LRTM1: variants seen among roughly 807,000 people sequenced by gnomAD.
LRTM1 encodes the protein leucine-rich repeat and transmembrane domain-containing protein 1.
In LRTM1, 38 loss-of-function variants were observed where a neutral mutation model predicts 32.4. That is an observed-to-expected ratio of 1.17 (90% CI 0.91 to 1.54). LRTM1 has a LOEUF of 1.54. Ranked by LOEUF, LRTM1 falls within the 40% of genes most tolerant of loss-of-function variation. The pLI is 0.00. For synonymous variants in LRTM1, 186 were observed against 169.9 expected (o/e 1.09, Z -0.74); for missense variants, 466 against 415.4 (o/e 1.12, Z -1.06).
intron 2 of LRTM1, among the ~76,000 whole-genome samples, chr3:54,922,426 A>C (rs1700879802): frequency 6.6e-6 from 1 of 151,790 alleles, no homozygotes; most frequent in African/African-American, 2.4e-5. Flanking sequence ...AGTTCAAGCC[A>C]CTTTACCTGT....
chr3:54,955,670 A>G (rs1701869603), intron 1 of LRTM1, among the ~76,000 whole-genome samples: 1 of 152,148 alleles, frequency 6.6e-6, no homozygotes, highest in African/African-American at 2.4e-5. Flanking sequence ...AGAAATGTGT[A>G]AATTGAGGGA....
At chr3:54,963,015 A>G (rs149340364) in intron 1 of LRTM1, among the ~76,000 whole-genome samples, 13 of 152,322 alleles carry the variant, frequency 8.5e-5, no homozygotes, top group African/African-American at 2.2e-4. Flanking sequence ...ATGCATGTCT[A>G]TTAACATGAT....
At chr3:54,942,929 C>G (rs1701512177) in intron 1 of LRTM1, among the ~76,000 whole-genome samples, 1 of 152,170 alleles carries the variant, frequency 6.6e-6, no homozygotes, top group African/African-American at 2.4e-5. Context: ...GAGGCTGAGG[C>G]AGGAGAATTG....
chr3:54,918,632 C>G lies in LRTM1; in HGVS notation c.865G>C (p.Val289Leu). Residue 289 changes from valine (V) to leucine (L), a missense_variant, in exon 3 of 3, where the codon GTC (valine) becomes CTC (leucine). Coordinates refer to ENST00000273286, the MANE Select transcript of LRTM1 (RefSeq NM_020678.4). ...PANLRHAIAT[V>L]IITGVVCGIV... ...CCACACACAACGCCAGTGATGATGACAGTGGCAATGGCATGACGCAGGTTG... is the reference window on the plus strand; with the variant it reads ...CCACACACAACGCCAGTGATGATGAGAGTGGCAATGGCATGACGCAGGTTG... The G allele has an allele frequency of 6.2e-7, 1 of 1,614,190 alleles. No individual in the cohort carries two copies. The highest frequency in any genetic ancestry group is 8.5e-7 in the Non-Finnish European group (1 of 1,180,036).
intron 1 of LRTM1, among the ~76,000 whole-genome samples, chr3:54,940,636 C>T (rs1226989479): frequency 5.3e-5 from 8 of 152,082 alleles, no homozygotes; most frequent in African/African-American, 1.9e-4. Context: ...GTGAACATCA[C>T]TAGTTTTCTG....
chr3:54,923,097 A>G (rs1700900289), intron 2 of LRTM1, among the ~76,000 whole-genome samples: 1 of 152,090 alleles, frequency 6.6e-6, no homozygotes, highest in African/African-American at 2.4e-5. Context: ...GCCTTTCGTC[A>G]GTTCTCCCAA....
upstream of LRTM1, among the ~76,000 whole-genome samples, chr3:54,929,005 C>T (rs556991337): frequency 7.9e-5 from 12 of 152,240 alleles, no homozygotes; most frequent in African/African-American, 2.9e-4. Flanking sequence ...CTAGATAAAA[C>T]AAAATGTTCT....
intron 1 of LRTM1, among the ~76,000 whole-genome samples, chr3:54,946,974 C>T (rs1295941012): frequency 1.3e-5 from 2 of 152,156 alleles, no homozygotes; most frequent in African/African-American, 4.8e-5. Flanking sequence ...GACCATAGTG[C>T]ATTTAAGATG....
intron 1 of LRTM1, among the ~76,000 whole-genome samples, chr3:54,958,902 G>A (rs1213459310): frequency 1.3e-5 from 2 of 152,016 alleles, no homozygotes; most frequent in African/African-American, 2.4e-5. Flanking sequence ...CCAGGAGTTT[G>A]AGACCAGCCT....
chr3:54,964,119 A>G (rs1259162596), intron 1 of LRTM1, among the ~76,000 whole-genome samples: 1 of 152,058 alleles, frequency 6.6e-6, no homozygotes, highest in Non-Finnish European at 1.5e-5. Context: ...AGACCATCCC[A>G]GTATCTTGGG....
chr3:54,952,241 C>T (rs1243519573), intron 1 of LRTM1, among the ~76,000 whole-genome samples: 1 of 152,192 alleles, frequency 6.6e-6, no homozygotes, highest in Non-Finnish European at 1.5e-5. Context: ...AGGATGTTGG[C>T]CTTGCACTCT....
At chr3:54,964,591 G>A (rs1019157808) in intron 1 of LRTM1, among the ~76,000 whole-genome samples, 7 of 152,248 alleles carry the variant, frequency 4.6e-5, no homozygotes, top group Non-Finnish European at 7.4e-5. Flanking sequence ...AGGTTATGTG[G>A]GGGCTGAAGG....
At chr3:54,947,639 C>A (rs9811421) in intron 1 of LRTM1, among the ~76,000 whole-genome samples, 16,143 of 152,094 alleles carry the variant, frequency 0.11, 986 homozygotes, top group Non-Finnish European at 0.12. Context: ...GACTTAGTAG[C>A]AGGCAAAGGA....
At chr3:54,923,804 C>G (rs958198052) in intron 2 of LRTM1, among the ~76,000 whole-genome samples, 1 of 152,208 alleles carries the variant, frequency 6.6e-6, no homozygotes, top group African/African-American at 2.4e-5. Flanking sequence ...CACTGAACCT[C>G]TCTGGGACTC....
rs181613360 is a variant in LRTM1 at position 54,922,672 on chromosome 3, G to A, written c.604+1947C>T. On this transcript the variant is annotated intron_variant, in intron 2 of 2. Coordinates refer to ENST00000273286, the MANE Select transcript of LRTM1 (RefSeq NM_020678.4). ...GACACTGTTGACTTCCCTAATTCAT[G>A]TCTGTAGCTCCAACATCTTCCTGAG... 4.0e-4 allele frequency among the ~76,000 whole-genome samples: 61 copies of A among 152,182 alleles called. 1 individual carries two copies. The East Asian group carries it at 9.7e-3, about 24-fold the overall frequency.
At chr3:54,936,229 ATAGGTATCAAC>A (rs1167126384) in intron 1 of LRTM1, among the ~76,000 whole-genome samples, 2 of 152,106 alleles carry the variant, frequency 1.3e-5, no homozygotes, top group Admixed American at 6.5e-5. Flanking sequence ...TATTGTGTCT[ATAGGTATCAAC>A]TAGGTACTTA....
At chr3:54,952,374 C>T (rs947105327) in intron 1 of LRTM1, among the ~76,000 whole-genome samples, 1 of 152,126 alleles carries the variant, frequency 6.6e-6, no homozygotes, top group African/African-American at 2.4e-5. Context: ...AGGGAGGCCG[C>T]AAACATGAAG....
Position 54,948,655 on chromosome 3 carries a change from A to G in LRTM1, c.-222+18273T>C, listed in dbSNP as rs113081850. ...CTAGGTTTCATGAGAGACACTTGAC[A>G]TGAAATAGGGAAGGGCACCATTCAT... is the stretch of plus-strand genomic sequence containing the variant. On this transcript the variant is annotated intron_variant, in intron 1 of 2. Transcript: ENST00000493075. Among the ~76,000 whole-genome samples the G allele has an allele frequency of 5.4e-3, 817 of 152,336 alleles. 4 individuals carry two copies. The highest frequency in any genetic ancestry group is 0.019 in the African/African-American group (784 of 41,582).
chr3:54,949,817 T>A (rs1279293761), intron 1 of LRTM1, among the ~76,000 whole-genome samples: 1 of 152,216 alleles, frequency 6.6e-6, no homozygotes, highest in Admixed American at 6.5e-5. Context: ...TTGCCTGTGA[T>A]TCTTTCTGAA....
Sources: allele counts gnomAD v4.1 joint callset (sites outside exome capture counted in the v4.1 genomes callset), GRCh38; gene constraint gnomAD v4.1.1; transcripts MANE v1.5; gene names NCBI Gene and HGNC (gene_info 2026-07-23, HGNC 2026-07-21).